RBFOX3: variants seen among roughly 807,000 people sequenced by gnomAD.
RBFOX3 encodes RNA binding protein fox-1 homolog 3.
RBFOX3 carries 17 observed loss-of-function variants against 48.7 expected under a neutral mutation model. That is an observed-to-expected ratio of 0.35 (90% CI 0.24 to 0.52). The LOEUF (loss-of-function observed/expected upper bound fraction) is 0.52, where lower values mean the gene tolerates loss of function less well. RBFOX3 is among the 20% of genes least tolerant of loss of function. The pLI is 0.94. For missense variants in RBFOX3, 382 were observed against 497.5 expected (o/e 0.77, Z 2.21); for synonymous variants, 212 against 209.5 (o/e 1.01, Z -0.10).
intron 2 of RBFOX3, among the ~76,000 whole-genome samples, chr17:79,313,924 G>A: frequency 6.6e-6 from 1 of 152,206 alleles, no homozygotes; most frequent in Non-Finnish European, 1.5e-5. Flanking sequence ...TCTGAAAAGA[G>A]GGAGGCTGTT....
intron 4 of RBFOX3, among the ~76,000 whole-genome samples, chr17:79,218,648 G>T (rs2059356371): frequency 6.6e-6 from 1 of 152,200 alleles, no homozygotes; most frequent in South Asian, 2.1e-4. Flanking sequence ...ACACACGCCA[G>T]GTCAGGGCCG....
At chr17:79,150,789 G>A (rs2044246792) in intron 4 of RBFOX3, among the ~76,000 whole-genome samples, 1 of 152,214 alleles carries the variant, frequency 6.6e-6, no homozygotes, top group East Asian at 1.9e-4. Context: ...GCAGGGAACT[G>A]CAGAGGCCAC....
In RBFOX3 at chr17:79,423,203, C is replaced by T. The variant is rs2066747446; in HGVS notation, c.-175+59251G>A. On this transcript the variant is annotated intron_variant, in intron 2 of 14. Coordinates refer to ENST00000693108, the MANE Select transcript of RBFOX3 (RefSeq NM_001350451.2). The surrounding 1 kb of genome is among the most constrained non-coding windows in gnomAD (Gnocchi z 4.9). ...GTCACATGTCCAAAACCAAACTCCTCACGTCCTGCGGTCTCCCCGTGGAAG... is the reference window on the plus strand; with the variant it reads ...GTCACATGTCCAAAACCAAACTCCTTACGTCCTGCGGTCTCCCCGTGGAAG... Among the ~76,000 whole-genome samples, 1 of 152,182 alleles carries T rather than the reference C, an allele frequency of 6.6e-6. No individual in the cohort carries two copies. The highest frequency in any genetic ancestry group is 2.4e-5 in the African/African-American group (1 of 41,440).
At chr17:79,478,029 T>C (rs1158501882) in intron 2 of RBFOX3, among the ~76,000 whole-genome samples, 3 of 152,162 alleles carry the variant, frequency 2.0e-5, no homozygotes, top group African/African-American at 7.2e-5. Flanking sequence ...GCTTCTGGTA[T>C]AACTAAATGA....
chr17:79,182,983 C>T (rs2052463447), intron 4 of RBFOX3, among the ~76,000 whole-genome samples: 1 of 150,158 alleles, frequency 6.7e-6, no homozygotes, highest in African/African-American at 2.4e-5. Context: ...CCGGAGACTC[C>T]GCCCGCCGCC....
chr17:79,291,290 G>A (rs1289965741), intron 3 of RBFOX3, among the ~76,000 whole-genome samples: 2 of 152,246 alleles, frequency 1.3e-5, no homozygotes, highest in African/African-American at 4.8e-5. Flanking sequence ...TGCCCTGGGT[G>A]TGGGGAAAAG....
At chr17:79,617,021 C>T in the RBFOX3 span, among the ~76,000 whole-genome samples, 1 of 152,102 alleles carries the variant, frequency 6.6e-6, no homozygotes, top group African/African-American at 2.4e-5. Context: ...CTGTGTCCGC[C>T]GGCTGGCTCT....
At chr17:79,154,388 G>A (rs916150923) in intron 4 of RBFOX3, among the ~76,000 whole-genome samples, 10 of 152,328 alleles carry the variant, frequency 6.6e-5, no homozygotes, top group African/African-American at 1.9e-4. Context: ...GAGCCTGTGA[G>A]GACCAAGACC....
At chr17:79,602,559 C>T (rs2093729315) in intron 1 of RBFOX3, among the ~76,000 whole-genome samples, 1 of 152,224 alleles carries the variant, frequency 6.6e-6, no homozygotes, top group Non-Finnish European at 1.5e-5. Flanking sequence ...CCCCTCGGGT[C>T]TCTAGTTCCA....
At position 79,418,256 on chromosome 17, in the gene RBFOX3, A is replaced by G. The variant is rs566031379; in HGVS notation, c.-175+64198T>C. Among the ~76,000 whole-genome samples, 24 of 152,312 alleles carry G rather than the reference A, an allele frequency of 1.6e-4. No individual in the cohort carries two copies. Among genetic ancestry groups the G allele is most frequent in the African/African-American group, 5.1e-4 (21 of 41,562 alleles). ...CCACAACGACAAAAAGTTTTTTCCA[A>G]TCGCAGGGATGTATGTGTTCCATCC... On this transcript the variant is annotated intron_variant, in intron 2 of 14. Coordinates refer to ENST00000693108, the MANE Select transcript of RBFOX3 (RefSeq NM_001350451.2). This position sits in a 1 kb window ranked among gnomAD's most constrained non-coding sequence, Gnocchi z 5.0.
intron 3 of RBFOX3, among the ~76,000 whole-genome samples, chr17:79,258,299 G>A (rs570193685): frequency 2.0e-5 from 3 of 152,256 alleles, no homozygotes; most frequent in African/African-American, 7.2e-5. Context: ...GTGATACGCC[G>A]CAGACACAGA....
intron 1 of RBFOX3, among the ~76,000 whole-genome samples, chr17:79,515,544 C>T (rs1025558671): frequency 1.3e-5 from 2 of 152,322 alleles, no homozygotes; most frequent in Admixed American, 6.5e-5. Context: ...AAATGCTGGC[C>T]GCTGGCAGCA....
At chr17:79,400,893 CACA>C (rs962467020) in intron 2 of RBFOX3, among the ~76,000 whole-genome samples, 25 of 152,332 alleles carry the variant, frequency 1.6e-4, no homozygotes, top group African/African-American at 5.5e-4. Flanking sequence ...ACAAAGCTGC[CACA>C]ACACCTTGCC....
At chr17:79,226,507 C>T (rs1468337352) in intron 4 of RBFOX3, among the ~76,000 whole-genome samples, 1 of 152,186 alleles carries the variant, frequency 6.6e-6, no homozygotes, top group African/African-American at 2.4e-5. Context: ...TGCTTCCCAC[C>T]GTGGTCAAGA....
chr17:79,269,979 G>A (rs2067372940), intron 3 of RBFOX3, among the ~76,000 whole-genome samples: 1 of 152,036 alleles, frequency 6.6e-6, no homozygotes, highest in African/African-American at 2.4e-5. Context: ...TGCCCTCAGG[G>A]CCTCTGCTGC....
chr17:79,140,854 A>G (rs1286495859), intron 4 of RBFOX3, among the ~76,000 whole-genome samples: 1 of 152,124 alleles, frequency 6.6e-6, no homozygotes. Context: ...AGAAGTAGAG[A>G]TATTTGGGAA....
At chr17:79,274,585 G>A (rs2068365296) in intron 3 of RBFOX3, among the ~76,000 whole-genome samples, 1 of 152,072 alleles carries the variant, frequency 6.6e-6, no homozygotes, top group Admixed American at 6.5e-5. Flanking sequence ...CTGGTCGTGG[G>A]GCTCAGGGAG....
chr17:79,279,013 C>T (rs1332168022), intron 3 of RBFOX3, among the ~76,000 whole-genome samples: 5 of 152,136 alleles, frequency 3.3e-5, no homozygotes, highest in Admixed American at 6.5e-5. Flanking sequence ...ATTAGTAATG[C>T]GCCCATTTTA....
At position 79,285,115 on chromosome 17, in the gene RBFOX3, T is replaced by G. The variant is rs139584863; in HGVS notation, c.-74+22609A>C. ...CCTGCCTTGCGGATGTGTTGGAGGATGAGAAAGAAGATGCTTGAAAATCTC... is the reference window on the plus strand; with the variant it reads ...CCTGCCTTGCGGATGTGTTGGAGGAGGAGAAAGAAGATGCTTGAAAATCTC... On this transcript the variant is annotated intron_variant, in intron 3 of 14. Transcript: ENST00000693108. 2.9e-3 allele frequency among the ~76,000 whole-genome samples: 438 copies of G among 152,250 alleles called. 2 individuals are homozygous for G. The highest frequency in any genetic ancestry group is 0.01 in the African/African-American group (419 of 41,544).
Sources: allele counts gnomAD v4.1 joint callset (sites outside exome capture counted in the v4.1 genomes callset), GRCh38; gene constraint gnomAD v4.1.1; non-coding constraint Gnocchi (gnomAD v3.1); transcripts MANE v1.5; gene names NCBI Gene and HGNC (gene_info 2026-07-23, HGNC 2026-07-21).